The following GRIP1 variants were observed in gnomAD, a reference collection of about 807,000 sequenced individuals.
GRIP1 encodes the protein glutamate receptor interacting protein 1.
Under a neutral mutation model 129.9 loss-of-function variants are expected in GRIP1, and 45 were observed. The ratio of observed to expected loss-of-function variants is 0.35; its 90% CI spans 0.27 to 0.44. The LOEUF (loss-of-function observed/expected upper bound fraction) is 0.44, where lower values mean the gene tolerates loss of function less well. GRIP1 is among the 20% of genes least tolerant of loss of function. The pLI is 1.00. For synonymous variants in GRIP1, 530 were observed against 520.8 expected (o/e 1.02, Z -0.24); for missense variants, 1,196 against 1,396.8 (o/e 0.86, Z 2.29).
chr12:66,723,307 T>TCC (rs1555230364), intron 1 of GRIP1, among the ~76,000 whole-genome samples: 1 of 25,972 alleles, frequency 3.9e-5, no homozygotes, highest in African/African-American at 2.0e-4. Context: ...TTTCTTTCTT[T>TCC]TTTTTTTTTT....
intron 2 of GRIP1, among the ~76,000 whole-genome samples, chr12:66,544,475 C>G (rs960360145): frequency 2.0e-5 from 3 of 152,098 alleles, no homozygotes; most frequent in African/African-American, 7.2e-5. Flanking sequence ...GAAGATGGTC[C>G]AGGCAACAAC....
chr12:66,374,166 C>T (rs539804366), intron 22 of GRIP1, among the ~76,000 whole-genome samples: 1 of 152,068 alleles, frequency 6.6e-6, no homozygotes, highest in African/African-American at 2.4e-5. Flanking sequence ...ATGGCACTTA[C>T]TCATGTATAT....
At chr12:67,026,825 C>A (rs1363945406) in intron 1 of GRIP1, among the ~76,000 whole-genome samples, 1 of 152,192 alleles carries the variant, frequency 6.6e-6, no homozygotes, top group Non-Finnish European at 1.5e-5. Flanking sequence ...GAACCCATCA[C>A]AGAGCCTTAT....
At chr12:66,503,663 G>A (rs937324949) in intron 7 of GRIP1, among the ~76,000 whole-genome samples, 2 of 152,134 alleles carry the variant, frequency 1.3e-5, no homozygotes, top group African/African-American at 4.8e-5. Flanking sequence ...CTGGTAACCT[G>A]AATACCTTCT....
At chr12:66,812,325 G>A (rs1293516555) in intron 1 of GRIP1, among the ~76,000 whole-genome samples, 1 of 152,136 alleles carries the variant, frequency 6.6e-6, no homozygotes, top group Non-Finnish European at 1.5e-5. Flanking sequence ...AGTAGAGATG[G>A]GGTTTCACCA....
chr12:66,582,346 A>G (rs2063422161), intron 2 of GRIP1, among the ~76,000 whole-genome samples: 1 of 142,254 alleles, frequency 7.0e-6, no homozygotes, highest in Middle Eastern at 3.3e-3. Flanking sequence ...AAACTGGCAC[A>G]AGACAGGGAT....
intron 2 of GRIP1, among the ~76,000 whole-genome samples, chr12:66,556,460 T>C (rs1039961699): frequency 4.6e-5 from 7 of 152,068 alleles, no homozygotes. Flanking sequence ...AAAAGGATGT[T>C]AGTGAGCAAT....
intron 2 of GRIP1, among the ~76,000 whole-genome samples, chr12:66,593,816 C>T (rs551414586): frequency 6.6e-6 from 1 of 152,174 alleles, no homozygotes; most frequent in Admixed American, 6.5e-5. Context: ...CACCTGTAAT[C>T]CCTGCACTTT....
intron 1 of GRIP1, among the ~76,000 whole-genome samples, chr12:66,755,563 C>G (rs1337426454): frequency 6.6e-6 from 1 of 152,234 alleles, no homozygotes; most frequent in Non-Finnish European, 1.5e-5. Flanking sequence ...CTTGGCTATG[C>G]TTCCTCCCAC....
intron 1 of GRIP1, among the ~76,000 whole-genome samples, chr12:66,815,463 T>C (rs549021788): frequency 5.3e-5 from 8 of 152,176 alleles, no homozygotes; most frequent in African/African-American, 1.9e-4. Flanking sequence ...TTTAACAAAT[T>C]AGTAAGAGTG....
intron 1 of GRIP1, among the ~76,000 whole-genome samples, chr12:67,068,163 A>C (rs900432024): frequency 6.6e-6 from 1 of 152,070 alleles, no homozygotes; most frequent in South Asian, 2.1e-4. Context: ...TCCCTGGCCA[A>C]CCTCTGCACC....
intron 5 of GRIP1, among the ~76,000 whole-genome samples, chr12:66,522,601 A>C (rs940539478): frequency 3.9e-5 from 6 of 152,330 alleles, no homozygotes; most frequent in African/African-American, 1.4e-4. Flanking sequence ...AGAGCAGAAA[A>C]ACTGGAAACT....
At chr12:66,393,169 AT>A (rs60982107) in intron 17 of GRIP1, among the ~76,000 whole-genome samples, 872 of 78,842 alleles carry the variant, frequency 0.011, 2 homozygotes, top group African/African-American at 0.046. Flanking sequence ...CTTTCTACAG[AT>A]TTTTTTTTTT....
At chr12:67,003,649 C>A (rs572717877) in intron 1 of GRIP1, among the ~76,000 whole-genome samples, 1 of 151,866 alleles carries the variant, frequency 6.6e-6, no homozygotes, top group Non-Finnish European at 1.5e-5. Context: ...GCCGAGATTG[C>A]GCCATTGCAC....
At chr12:66,923,488 C>G (rs1038179693) in intron 1 of GRIP1, among the ~76,000 whole-genome samples, 2 of 152,206 alleles carry the variant, frequency 1.3e-5, no homozygotes, top group African/African-American at 4.8e-5. Context: ...CACCCTCCTA[C>G]TCAACAAGAG....
chr12:66,394,448 C>T (rs943380660), intron 16 of GRIP1, 96 bp from the exon 17 acceptor site: 7 of 1,002,938 alleles, frequency 7.0e-6, no homozygotes, highest in African/African-American at 3.2e-5. Context: ...AAAACATCCT[C>T]GTCAAAGTAT....
chr12:66,522,946 G>C (rs1386110011), intron 5 of GRIP1, among the ~76,000 whole-genome samples: 2 of 152,072 alleles, frequency 1.3e-5, no homozygotes, highest in African/African-American at 2.4e-5. Flanking sequence ...AAGATGAAAT[G>C]AATGAAATGA....
Position 66,376,997 on chromosome 12 carries a change from T to C in GRIP1, c.2778+20A>G. 6.3e-7 allele frequency: 1 copy of C among 1,588,690 alleles called. No individual in the cohort carries two copies. The highest frequency in any genetic ancestry group is 1.1e-5 in the South Asian group (1 of 90,534). Reference sequence around the variant, plus strand: ...GAAGGCAGCTTCACAAGCAAAAATATAAACATAAAGGGTAGCTACCAAGAG... The same window carrying C: ...GAAGGCAGCTTCACAAGCAAAAATACAAACATAAAGGGTAGCTACCAAGAG... On this transcript the variant is annotated intron_variant, in intron 22 of 24. Transcript: ENST00000359742.
chr12:67,039,995 C>T (rs2043151840), intron 1 of GRIP1, among the ~76,000 whole-genome samples: 1 of 152,122 alleles, frequency 6.6e-6, no homozygotes, highest in African/African-American at 2.4e-5. Flanking sequence ...TTTCTAACTA[C>T]TCTTAAGCTG....
Sources: allele counts gnomAD v4.1 joint callset (sites outside exome capture counted in the v4.1 genomes callset), GRCh38; gene constraint gnomAD v4.1.1; transcripts MANE v1.5; gene names NCBI Gene and HGNC (gene_info 2026-07-23, HGNC 2026-07-21).